CAVIN1: variants seen among roughly 807,000 people sequenced by gnomAD.
CAVIN1 encodes the protein caveolae-associated protein 1.
Under a neutral mutation model 24.0 loss-of-function variants are expected in CAVIN1, and 16 were observed. The ratio of observed to expected loss-of-function variants is 0.67; its 90% CI spans 0.45 to 1.01. The LOEUF is 1.01. CAVIN1 is among the 50% of genes least tolerant of loss of function. The pLI is 0.00. For missense variants in CAVIN1, 510 were observed against 551.7 expected (o/e 0.92, Z 0.76); for synonymous variants, 256 against 256.4 (o/e 1.00, Z 0.02).
At position 42,405,230 on chromosome 17, in the gene CAVIN1, C is replaced by T; in HGVS notation, c.630G>A (p.Glu210=). Reference sequence around the variant, plus strand: ...CTGCGCGGGACTCCTCAATAACCTCCTCAACCTCCACCGCCTCGTCCGACG... The same window carrying T: ...CTGCGCGGGACTCCTCAATAACCTCTTCAACCTCCACCGCCTCGTCCGACG... ...ELSSDEAVEV[E]EVIEESRAER... is the part of the protein sequence containing the mutation. The change falls in exon 2 of 2, where the codon GAG becomes GAA. Residue 210 remains glutamate, a synonymous_variant. Coordinates refer to ENST00000357037, the MANE Select transcript of CAVIN1 (RefSeq NM_012232.6). The T allele has an allele frequency of 6.2e-7, 1 of 1,613,942 alleles. No individual in the cohort carries two copies. Among genetic ancestry groups the T allele is most frequent in the Non-Finnish European group, 8.5e-7 (1 of 1,179,960 alleles).
intron 1 of CAVIN1, among the ~76,000 whole-genome samples, chr17:42,410,892 CAAAAAAAAAAAAAAAAAAAAA>C (rs774857493): frequency 5.2e-5 from 4 of 76,372 alleles, no homozygotes; most frequent in African/African-American, 1.1e-4. Context: ...GACTCTGTCT[CAAAAAAAAAAAAAAAAAAAAA>C]AAAAAAAAAA....
chr17:42,422,554 C>T, intron 1 of CAVIN1, 73 bp downstream of exon 1: 2 of 1,276,488 alleles, frequency 1.6e-6, no homozygotes, highest in Non-Finnish European at 2.2e-6. Context: ...GCAGGTCTCC[C>T]CACCCCAACT....
At chr17:42,412,971 C>T (rs114630862) in intron 1 of CAVIN1, among the ~76,000 whole-genome samples, 1,750 of 151,130 alleles carry the variant, frequency 0.012, 42 homozygotes, top group African/African-American at 0.04. Flanking sequence ...GGCTGCTAAA[C>T]TGTAGTGCAG....
intron 1 of CAVIN1, among the ~76,000 whole-genome samples, chr17:42,417,950 G>A (rs1366417973): frequency 6.6e-6 from 1 of 151,970 alleles, no homozygotes; most frequent in East Asian, 1.9e-4. Flanking sequence ...GTGAGCTACC[G>A]TGCCATGGCT....
intron 1 of CAVIN1, among the ~76,000 whole-genome samples, chr17:42,415,384 A>C (rs561999840): frequency 1.1e-4 from 16 of 152,326 alleles, no homozygotes; most frequent in African/African-American, 3.8e-4. Flanking sequence ...AAGGAGTTGA[A>C]GTTGATTATT....
In CAVIN1 at chr17:42,402,631, G is replaced by C. The variant is rs1426952594; in HGVS notation, c.*2056C>G. 1 of 148,584 alleles carries C rather than the reference G, an allele frequency of 6.7e-6. No homozygotes were observed. The highest frequency in any genetic ancestry group is 1.5e-5 in the Non-Finnish European group (1 of 67,620). The allele number at this position is 148,584 out of a possible 1,614,324, so 9.2% of individuals were successfully genotyped here. On this transcript the variant is annotated 3_prime_UTR_variant, in exon 2 of 2. Coordinates refer to ENST00000357037, the MANE Select transcript of CAVIN1 (RefSeq NM_012232.6). ...CGGCAGAGGGGTCTTCAGCCATTCA[G>C]AGGAGAGAAGAGAACCGAGAAAGGG...
Position 42,405,008 on chromosome 17 carries a change from G to A in CAVIN1, c.852C>T (p.Ala284=), listed in dbSNP as rs1224810191. 2 of 1,614,154 alleles carry A rather than the reference G, an allele frequency of 1.2e-6. No individual in the cohort carries two copies. The highest frequency in any genetic ancestry group is 1.7e-6 in the Non-Finnish European group (2 of 1,180,004). ...MNKLGTRLVP[A]ERREKLKTSR... The stretch of plus-strand genomic sequence containing the variant: ...ACGTCTTCAGTTTCTCGCGCCGCTC[G>A]GCGGGCACCAGGCGCGTGCCCAGCT... Residue 284 remains alanine, a synonymous_variant, in exon 2 of 2, where the codon GCC becomes GCT. Coordinates refer to ENST00000357037, the MANE Select transcript of CAVIN1 (RefSeq NM_012232.6).
Position 42,404,618 on chromosome 17 carries a change from G to C in CAVIN1, c.*69C>G. On this transcript the variant is annotated 3_prime_UTR_variant, in exon 2 of 2. Transcript: ENST00000357037. ...TTTAGAAAAATCTCAGCCAGCTCGAGCCGAGAGAGAATGCGAAAGAGGAAG... is the reference window on the plus strand; with the variant it reads ...TTTAGAAAAATCTCAGCCAGCTCGACCCGAGAGAGAATGCGAAAGAGGAAG... 2 of 1,100,462 alleles carry C rather than the reference G, an allele frequency of 1.8e-6. No homozygotes were observed. The highest frequency in any genetic ancestry group is 2.4e-6 in the Non-Finnish European group (2 of 819,598). 68.2% of individuals were successfully genotyped at this position (1,100,462 alleles called of 1,614,324 possible).
chr17:42,419,407 G>A (rs919487733), intron 1 of CAVIN1, among the ~76,000 whole-genome samples: 4 of 152,018 alleles, frequency 2.6e-5, no homozygotes, highest in African/African-American at 9.7e-5. Flanking sequence ...CCGCCTCCCA[G>A]GTTCAAGCCA....
chr17:42,412,326 C>T, intron 1 of CAVIN1: 1 of 978,418 alleles, frequency 1.0e-6, no homozygotes, highest in Non-Finnish European at 1.2e-6. Flanking sequence ...GCCTTGGTGG[C>T]ATGCAGAGTA....
rs2145469784 is a variant in CAVIN1 at position 42,403,634 on chromosome 17, T to A, written c.*1053A>T. The A allele has an allele frequency of 6.5e-6, 1 of 152,814 alleles. No individual in the cohort carries two copies. Among genetic ancestry groups the A allele is most frequent in the South Asian group, 2.1e-4 (1 of 4,826 alleles). 9.5% of individuals were successfully genotyped at this position (152,814 alleles called of 1,614,324 possible). On this transcript the variant is annotated 3_prime_UTR_variant, in exon 2 of 2. Coordinates refer to ENST00000357037, the MANE Select transcript of CAVIN1 (RefSeq NM_012232.6). ...CCACCTTCTCCTATTTTCCTTTTTT[T>A]TCCTTCTGTTGAGATGGAGTCTCAC... is the stretch of plus-strand genomic sequence containing the variant.
At chr17:42,409,702 G>C (rs764830397) in intron 1 of CAVIN1, among the ~76,000 whole-genome samples, 8 of 151,798 alleles carry the variant, frequency 5.3e-5, no homozygotes, top group Non-Finnish European at 2.9e-5. Flanking sequence ...CTGCTTGCTG[G>C]TACAACCACC....
intron 1 of CAVIN1, among the ~76,000 whole-genome samples, chr17:42,405,613 C>T (rs371209896): frequency 6.7e-4 from 102 of 151,308 alleles, no homozygotes; most frequent in African/African-American, 2.4e-3. Flanking sequence ...CGAGACCAGC[C>T]TGGGCAACAT....
chr17:42,408,465 C>T (rs2085457876), intron 1 of CAVIN1, among the ~76,000 whole-genome samples: 1 of 149,068 alleles, frequency 6.7e-6, no homozygotes, highest in Non-Finnish European at 1.5e-5. Flanking sequence ...GGAAGCAATC[C>T]TAGTGAGAGG....
rs1266869717 is a variant in CAVIN1, at chr17:42,423,127, G to A, written c.-30C>T. The stretch of plus-strand genomic sequence containing the variant: ...ACCCGGAGCCGTGCGGGACCGGCCG[G>A]GTGGGGCTGGAGCTGGAGCGGGAGA... On this transcript the variant is annotated 5_prime_UTR_variant, in exon 1 of 2. Transcript: ENST00000357037. 6 of 1,494,766 alleles carry A rather than the reference G, an allele frequency of 4.0e-6. No individual in the cohort carries two copies. Among genetic ancestry groups the A allele is most frequent in the Non-Finnish European group, 5.4e-6 (6 of 1,111,338 alleles). The allele number at this position is 1,494,766 out of a possible 1,614,324, so 92.6% of individuals were successfully genotyped here.
chr17:42,412,316 G>A, intron 1 of CAVIN1: 1 of 984,378 alleles, frequency 1.0e-6, no homozygotes, highest in Non-Finnish European at 1.2e-6. Flanking sequence ...AGAAAAAAGG[G>A]CCTTGGTGGC....
rs1023608325 is a variant in CAVIN1 at position 42,420,058 on chromosome 17, C to A, written c.471+2569G>T. ...AGATGTCTCCATCCCACAACGGGGGCCTTCCCATCCCTTGGTGTTCTCTGC... is the reference window on the plus strand; with the variant it reads ...AGATGTCTCCATCCCACAACGGGGGACTTCCCATCCCTTGGTGTTCTCTGC... On this transcript the variant is annotated intron_variant, in intron 1 of 1. Coordinates refer to ENST00000357037, the MANE Select transcript of CAVIN1 (RefSeq NM_012232.6). Among the ~76,000 whole-genome samples, 3 of 149,886 alleles carry A rather than the reference C, an allele frequency of 2.0e-5. No individual in the cohort carries two copies. In the East Asian group the frequency reaches 5.8e-4, roughly 29 times the overall value.
At chr17:42,412,028 C>A (rs1015115197) in intron 1 of CAVIN1, 1 of 985,266 alleles carries the variant, frequency 1.0e-6, no homozygotes. Flanking sequence ...GCCCACAGAA[C>A]GGGATCCGGG....
intron 1 of CAVIN1, among the ~76,000 whole-genome samples, chr17:42,409,680 G>A (rs2085464788): frequency 6.6e-6 from 1 of 151,864 alleles, no homozygotes; most frequent in South Asian, 2.1e-4. Flanking sequence ...GTGCTGTCTT[G>A]GTCCCACCCA....
Sources: allele counts gnomAD v4.1 joint callset (sites outside exome capture counted in the v4.1 genomes callset), GRCh38; gene constraint gnomAD v4.1.1; transcripts MANE v1.5; gene names NCBI Gene and HGNC (gene_info 2026-07-23, HGNC 2026-07-21).